ARMCX4: variants seen among roughly 807,000 people sequenced by gnomAD.
ARMCX4 encodes the protein armadillo repeat-containing X-linked protein 4.
A neutral mutation model predicts 34.7 loss-of-function variants in ARMCX4; 3 were observed. The ratio of observed to expected loss-of-function variants is 0.09; its 90% CI spans 0.04 to 0.22. ARMCX4 has a LOEUF of 0.22. Ranked by LOEUF, ARMCX4 falls within the 10% of genes least tolerant of loss-of-function variation. The probability of loss-of-function intolerance (pLI) is 1.00; values close to 1 mark genes in which losing one functional copy is unlikely to be tolerated. For synonymous variants in ARMCX4, 513 were observed against 632.8 expected, an observed-to-expected ratio of 0.81 and a Z score of 2.84; for missense variants, 1,448 against 1,720.8, an observed-to-expected ratio of 0.84 and a Z score of 2.81.
intron 2 of ARMCX4, among the ~76,000 whole-genome samples, chrX:101,436,058 C>T (rs1603106900): frequency 9.0e-6 from 1 of 111,085 alleles, no homozygotes; most frequent in Non-Finnish European, 1.9e-5. Context: ...CTTGTAGCAT[C>T]GCTTGAAGTC....
intron 11 of ARMCX4, among the ~76,000 whole-genome samples, chrX:101,512,817 C>CAT (rs1216032984): frequency 1.3e-4 from 11 of 84,056 alleles, no homozygotes; most frequent in Middle Eastern, 5.7e-3. Flanking sequence ...CATATATACA[C>CAT]ATATATATAC....
chrX:101,439,386 C>T (rs1247151275), intron 2 of ARMCX4, among the ~76,000 whole-genome samples: 1 of 111,729 alleles, frequency 9.0e-6, no homozygotes, highest in Admixed American at 9.6e-5. Context: ...CGCCCTTTCT[C>T]TCTGGCTGCC....
intron 2 of ARMCX4, among the ~76,000 whole-genome samples, chrX:101,432,694 A>G (rs1430293920): frequency 9.4e-6 from 1 of 106,687 alleles, no homozygotes. Context: ...ATATACGTAT[A>G]TATACACATA....
Position 101,471,538 on chromosome X carries a change from A to G in ARMCX4, c.-472-14485A>G, listed in dbSNP as rs1369212605. Among the ~76,000 whole-genome samples, 43 of 112,079 alleles carry G rather than the reference A, an allele frequency of 3.8e-4. No homozygotes were observed. The Admixed American group carries it at 4.1e-3, about 11-fold the overall frequency. On this transcript the variant is annotated intron_variant and NMD_transcript_variant, in intron 4 of 15. Coordinates refer to the ARMCX4 transcript ENST00000433011. ...CTATCAGATTTAGAGAGAATGGATA[A>G]TAGAAATTAAATGTCCATGTCTGAT...
chrX:101,494,831 A>T lies in ARMCX4; in HGVS notation c.6242A>T (p.Asn2081Ile). 8.7e-7 allele frequency: 1 copy of T among 1,154,315 alleles called. No individual in the cohort carries two copies. The highest frequency in any genetic ancestry group is 1.1e-6 in the Non-Finnish European group (1 of 871,313). Residue 2081 changes from asparagine (N) to isoleucine (I), a missense_variant, in exon 6 of 6, where the codon AAT (asparagine) becomes ATT (isoleucine). By Grantham distance (149) the Asn-to-Ile change is moderately radical (BLOSUM62 -3). This residue lies in a region of ARMCX4 where 105 missense variants were observed against 180.2 expected (regional missense o/e 0.58). Coordinates refer to ENST00000423738, the MANE Select transcript of ARMCX4 (RefSeq NM_001256155.3). ...TCTTATTCTCATGAAGTTGTTCGTA[A>T]TGTAGGTGGAATTTCAGTTATTGAA... is the stretch of plus-strand genomic sequence containing the variant. Reference protein sequence around the residue: ...DYSYSHEVVRNVGGISVIESL... With the variant: ...DYSYSHEVVRIVGGISVIESL...
chrX:101,442,519 T>C (rs1381820816), intron 2 of ARMCX4, among the ~76,000 whole-genome samples: 2 of 111,888 alleles, frequency 1.8e-5, no homozygotes, highest in Non-Finnish European at 3.8e-5. Flanking sequence ...TCTTTATCCA[T>C]GAGCACACCC....
At chrX:101,496,821 C>T (rs1331153864), downstream of ARMCX4, among the ~76,000 whole-genome samples, 8 of 111,292 alleles carry the variant, frequency 7.2e-5, no homozygotes, top group Admixed American at 4.8e-4. Flanking sequence ...GTACAAGGTC[C>T]ATTGGAATAT....
Position 101,463,173 on chromosome X carries a change from C to A in ARMCX4, c.-473+17129C>A, listed in dbSNP as rs148989971. Among the ~76,000 whole-genome samples the A allele has an allele frequency of 1.4e-4, 16 of 111,936 alleles. No homozygotes were observed. In the East Asian group the frequency reaches 3.9e-3, roughly 27 times the overall value. ...GGAGGTGGTTCAAGTCCTCAAATACCATACACCTATAATGACTTCCCGAAT... is the reference window on the plus strand; with the variant it reads ...GGAGGTGGTTCAAGTCCTCAAATACAATACACCTATAATGACTTCCCGAAT... On this transcript the variant is annotated intron_variant and NMD_transcript_variant, in intron 4 of 15. Coordinates refer to the ARMCX4 transcript ENST00000433011.
chrX:101,495,024 A>C lies in ARMCX4; in HGVS notation c.6435A>C (p.Leu2145=), dbSNP rs781978915. The C allele has an allele frequency of 1.8e-5, 21 of 1,151,288 alleles. No homozygotes were observed. In the Middle Eastern group the frequency reaches 6.9e-4, roughly 38 times the overall value. 94.9% of individuals were successfully genotyped at this position (1,151,288 alleles called of 1,213,427 possible). A position where few individuals can be genotyped will look rare whatever the true frequency, so the allele number is the denominator to read the frequency against. Residue 2145 remains leucine (L), a synonymous_variant, in exon 6 of 6, where the codon CTA becomes CTC. Transcript: ENST00000423738. ...ATTCAAATGTGCAGTTGGCTGGACT[A>C]AGGTTGATAAGGCATCTGACTATTA... ...PLNSNVQLAG[L]RLIRHLTITS...
upstream of ARMCX4, among the ~76,000 whole-genome samples, chrX:101,484,794 C>T (rs781943498): frequency 1.8e-5 from 2 of 111,344 alleles, no homozygotes; most frequent in Non-Finnish European, 3.8e-5. Flanking sequence ...AAATGTGGCA[C>T]AAAATAATGT....
chrX:101,419,701 G>A (rs957719855), intron 2 of ARMCX4, among the ~76,000 whole-genome samples: 1 of 111,521 alleles, frequency 9.0e-6, no homozygotes, highest in African/African-American at 3.3e-5. Flanking sequence ...TTTAGCAAGA[G>A]TCCTGCTGAG....
At chrX:101,466,077 A>T (rs1932787762) in intron 4 of ARMCX4, among the ~76,000 whole-genome samples, 1 of 112,146 alleles carries the variant, frequency 8.9e-6, no homozygotes, top group Admixed American at 9.5e-5. Context: ...AACTATAGAC[A>T]GGGATGAAAT....
At chrX:101,521,399 G>T (rs1288899453) in intron 11 of ARMCX4, among the ~76,000 whole-genome samples, 1 of 111,285 alleles carries the variant, frequency 9.0e-6, no homozygotes, top group Non-Finnish European at 1.9e-5. Context: ...AAGGCTGGTA[G>T]TAATTTCCCT....
chrX:101,480,860 C>T (rs1933415513), upstream of ARMCX4, among the ~76,000 whole-genome samples: 1 of 111,967 alleles, frequency 8.9e-6, no homozygotes, highest in Non-Finnish European at 1.9e-5. Context: ...GTAGCTCACA[C>T]CTGTGTGATC....
chrX:101,491,026 A>G lies in ARMCX4; in HGVS notation c.2437A>G (p.Asn813Asp). The change falls in exon 6 of 6, where the codon AAT (asparagine) becomes GAT (aspartate). Residue 813 changes from asparagine to aspartate, a missense_variant. Asn to Asp is a conservative substitution (Grantham distance 23). Around this residue, in one of 2 missense-constraint regions of ARMCX4, gnomAD observed 1,343 missense variants for 1,540.7 expected, o/e 0.87. Transcript: ENST00000423738. ...CAAGAATAAGGTCAGGGGAAATTGG[A>G]ATGCTGTGTCTAAGGCAGGGGCTGG... ...GAKNKVRGNWNAVSKAGAGMD... is the reference protein window; with the variant it reads ...GAKNKVRGNWDAVSKAGAGMD... 1 of 1,152,538 alleles carries G rather than the reference A, an allele frequency of 8.7e-7. No individual in the cohort carries two copies. The highest frequency in any genetic ancestry group is 3.3e-5 in the East Asian group (1 of 30,614). 95.0% of individuals were successfully genotyped at this position (1,152,538 alleles called of 1,213,427 possible).
In ARMCX4 at chrX:101,493,755, G is replaced by A; in HGVS notation, c.5166G>A (p.Gln1722=). The change falls in exon 6 of 6, where the codon CAG becomes CAA. Residue 1722 remains glutamine (Q), a synonymous_variant. Transcript: ENST00000423738. ...RSEDQASGRF[Q]VSFEVEANEG... is the part of the protein sequence containing the mutation. ...AGGACCAGGCCAGTGGAAGGTTCCA[G>A]GTCAGTTTTGAGGTGGAGGCCAATG... is the stretch of plus-strand genomic sequence containing the variant. 8.7e-7 allele frequency: 1 copy of A among 1,154,447 alleles called. No individual in the cohort carries two copies. The highest frequency in any genetic ancestry group is 1.1e-6 in the Non-Finnish European group (1 of 872,611).
chrX:101,440,363 C>T (rs1229873463), intron 2 of ARMCX4, among the ~76,000 whole-genome samples: 1 of 111,380 alleles, frequency 9.0e-6, no homozygotes. Context: ...AGTACCCGGC[C>T]GTGTGAGGTG....
intron 4 of ARMCX4, among the ~76,000 whole-genome samples, chrX:101,461,295 G>T (rs1283366978): frequency 1.8e-5 from 2 of 111,759 alleles, no homozygotes; most frequent in African/African-American, 6.5e-5. Flanking sequence ...ACTACTCTGG[G>T]TAGTTCATAC....
intron 11 of ARMCX4, chrX:101,516,543 G>A (rs782254529): frequency 3.6e-5 from 4 of 111,610 alleles, no homozygotes; most frequent in Non-Finnish European, 5.6e-5. Flanking sequence ...CAAATGTGTC[G>A]TGTTATTAGA....
Sources: allele counts gnomAD v4.1 joint callset (sites outside exome capture counted in the v4.1 genomes callset), GRCh38; gene constraint gnomAD v4.1.1; regional missense constraint gnomAD v4.1.1; transcripts MANE v1.5; gene names NCBI Gene and HGNC (gene_info 2026-07-23, HGNC 2026-07-21).